Variants in ANKFN1 observed in about 807,000 individuals in gnomAD.
ANKFN1 encodes ankyrin repeat and fibronectin type III domain containing 1.
A neutral mutation model predicts 108.7 loss-of-function variants in ANKFN1; 74 were observed. The ratio of observed to expected loss-of-function variants is 0.68; its 90% confidence interval spans 0.56 to 0.83. ANKFN1 has a LOEUF of 0.83. ANKFN1 is among the 40% of genes least tolerant of loss of function. ANKFN1 has a pLI of 0.00. For synonymous variants in ANKFN1, 547 were observed against 516.2 expected, an observed-to-expected ratio of 1.06 and a Z score of -0.81; for missense variants, 1,505 against 1,382.3, an observed-to-expected ratio of 1.09 and a Z score of -1.41.
In ANKFN1 at chr17:56,442,853, A is replaced by G. The variant is rs1568005047; in HGVS notation, c.1019A>G (p.Tyr340Cys). ...TTCAATACTTTGCAGGGCCAACAGTATTTTGTTCAAGTCTCGGCTTACAAT... is the reference window on the plus strand; with the variant it reads ...TTCAATACTTTGCAGGGCCAACAGTGTTTTGTTCAAGTCTCGGCTTACAAT... The part of the protein sequence containing the change: ...TITGLTMGQQ[Y>C]FVQVSAYNMK... Residue 340 changes from tyrosine (Y) to cysteine (C), a missense_variant, in exon 10 of 21, where the codon TAT becomes TGT. Physicochemically the swap from Tyr to Cys is radical, Grantham distance 194 (BLOSUM62 -2). Transcript: ENST00000682825. 4 of 1,613,734 alleles carry G rather than the reference A, an allele frequency of 2.5e-6. No individual in the cohort carries two copies. Among genetic ancestry groups the G allele is most frequent in the Non-Finnish European group, 3.4e-6 (4 of 1,179,716 alleles).
At chr17:56,165,397 G>A (rs909014060) in intron 1 of ANKFN1, among the ~76,000 whole-genome samples, 19 of 152,084 alleles carry the variant, frequency 1.2e-4, no homozygotes, top group Non-Finnish European at 5.9e-5. Flanking sequence ...TTCTAAGCAG[G>A]ATTTTATTTA....
At chr17:56,374,286 A>T (rs976854777) in intron 7 of ANKFN1, among the ~76,000 whole-genome samples, 1 of 152,148 alleles carries the variant, frequency 6.6e-6, no homozygotes, top group African/African-American at 2.4e-5. Context: ...ACAATATAGG[A>T]TCCTGCTATC....
At chr17:56,087,578 A>T (rs550726295) in intron 4 of ANKFN1, among the ~76,000 whole-genome samples, 1 of 150,778 alleles carries the variant, frequency 6.6e-6, no homozygotes, top group Non-Finnish European at 1.5e-5. Context: ...CCTCCAGAAA[A>T]TTTTTCAAAA....
chr17:56,451,363 A>T (rs1054843344), intron 11 of ANKFN1, among the ~76,000 whole-genome samples: 16 of 152,300 alleles, frequency 1.1e-4, no homozygotes, highest in African/African-American at 3.6e-4. Context: ...CACACACAAA[A>T]AGAATGAATC....
intron 6 of ANKFN1, among the ~76,000 whole-genome samples, chr17:56,356,215 G>A (rs1457291556): frequency 6.6e-6 from 1 of 152,072 alleles, no homozygotes; most frequent in Non-Finnish European, 1.5e-5. Flanking sequence ...CACTTTCCAT[G>A]TATTGACTCC....
At chr17:56,342,394 G>C (rs923479313) in intron 4 of ANKFN1, among the ~76,000 whole-genome samples, 4 of 151,610 alleles carry the variant, frequency 2.6e-5, no homozygotes, top group African/African-American at 9.7e-5. Flanking sequence ...GTGATGTTAG[G>C]TTGTTAACTT....
At chr17:56,339,463 C>A (rs1347694460) in intron 4 of ANKFN1, among the ~76,000 whole-genome samples, 1 of 151,968 alleles carries the variant, frequency 6.6e-6, no homozygotes, top group African/African-American at 2.4e-5. Flanking sequence ...CTCTTCCTAT[C>A]CTTCACCCTC....
intron 4 of ANKFN1, among the ~76,000 whole-genome samples, chr17:56,060,477 A>C (rs1244110976): frequency 2.6e-5 from 4 of 152,176 alleles, no homozygotes; most frequent in Non-Finnish European, 4.4e-5. Context: ...GTTGAATAGG[A>C]GTGGCGAGAG....
chr17:56,202,309 C>T (rs1598228269), intron 1 of ANKFN1, among the ~76,000 whole-genome samples: 3 of 151,662 alleles, frequency 2.0e-5, no homozygotes, highest in Admixed American at 2.0e-4. Flanking sequence ...CTCAGCCTAG[C>T]CTAGAGCAGG....
At chr17:56,216,379 G>A (rs973596110) in intron 2 of ANKFN1, among the ~76,000 whole-genome samples, 2 of 152,150 alleles carry the variant, frequency 1.3e-5, no homozygotes, top group African/African-American at 4.8e-5. Context: ...AGTCTGTATT[G>A]TCAGCTGACA....
At chr17:56,167,325 ATAT>A (rs1910247565) in intron 1 of ANKFN1, among the ~76,000 whole-genome samples, 1 of 104,170 alleles carries the variant, frequency 9.6e-6, no homozygotes, top group Non-Finnish European at 2.0e-5. Context: ...ACACATATAT[ATAT>A]ATATATATAT....
chr17:56,209,166 G>A (rs190969400), intron 1 of ANKFN1, among the ~76,000 whole-genome samples: 24 of 151,798 alleles, frequency 1.6e-4, no homozygotes, highest in African/African-American at 4.8e-4. Context: ...CATTTCCACC[G>A]GCTCGTGTTC....
intron 3 of ANKFN1, among the ~76,000 whole-genome samples, chr17:56,251,820 A>G (rs1850163658): frequency 6.6e-6 from 1 of 152,234 alleles, no homozygotes; most frequent in Non-Finnish European, 1.5e-5. Flanking sequence ...CTGTAAAAAG[A>G]GATCTCTGAG....
chr17:56,248,749 G>T (rs2043171290), intron 3 of ANKFN1, among the ~76,000 whole-genome samples: 1 of 152,108 alleles, frequency 6.6e-6, no homozygotes, highest in Non-Finnish European at 1.5e-5. Context: ...TATTACATTT[G>T]GTTTGGAAAT....
intron 3 of ANKFN1, among the ~76,000 whole-genome samples, chr17:56,260,211 T>C (rs2043472141): frequency 6.6e-6 from 1 of 152,226 alleles, no homozygotes; most frequent in Non-Finnish European, 1.5e-5. Flanking sequence ...AGAAAGCTCA[T>C]ATTCATTTCT....
At chr17:56,158,706 G>T (rs1909342251) in intron 1 of ANKFN1, among the ~76,000 whole-genome samples, 2 of 152,268 alleles carry the variant, frequency 1.3e-5, no homozygotes, top group South Asian at 4.1e-4. Flanking sequence ...GAAAATAAAT[G>T]ATTTTTTTAT....
chr17:56,377,845 G>A (rs1414143620), intron 8 of ANKFN1, among the ~76,000 whole-genome samples: 1 of 152,128 alleles, frequency 6.6e-6, no homozygotes, highest in Non-Finnish European at 1.5e-5. Context: ...ACATTTTCGA[G>A]TTTGTGTTTT....
intron 4 of ANKFN1, among the ~76,000 whole-genome samples, chr17:56,067,936 G>A (rs1199904341): frequency 5.9e-5 from 9 of 152,066 alleles, no homozygotes; most frequent in East Asian, 3.9e-4. Flanking sequence ...GGAATTTCTC[G>A]TCACTTCCAG....
At chr17:56,480,907 GTGTGTGTGTGTGTGTA>G (rs1382224313) in intron 17 of ANKFN1, 89 bp downstream of exon 17, 49 of 1,332,454 alleles carry the variant, frequency 3.7e-5, no homozygotes, top group Non-Finnish European at 4.7e-5. Flanking sequence ...GTGTGTGTGT[GTGTGTGTGTGTGTGTA>G]AATTTTCCTT....
Sources: allele counts gnomAD v4.1 joint callset (sites outside exome capture counted in the v4.1 genomes callset), GRCh38; gene constraint gnomAD v4.1.1; transcripts MANE v1.5; gene names NCBI Gene and HGNC (gene_info 2026-07-23, HGNC 2026-07-21).